PCCA: variants seen among roughly 807,000 people sequenced by gnomAD.
PCCA encodes the protein propionyl-CoA carboxylase alpha chain, mitochondrial.
A neutral mutation model predicts 101.3 loss-of-function variants in PCCA; 74 were observed. That is an observed-to-expected ratio of 0.73 (90% confidence interval 0.61 to 0.89). The LOEUF (loss-of-function observed/expected upper bound fraction) is 0.89. PCCA is among the 40% of genes least tolerant of loss of function. The probability of loss-of-function intolerance (pLI) is 0.00; values close to 1 mark genes in which losing one functional copy is unlikely to be tolerated. For missense variants in PCCA, 891 were observed against 907.0 expected, an observed-to-expected ratio of 0.98 and a Z score of 0.23; for synonymous variants, 294 against 313.6, an observed-to-expected ratio of 0.94 and a Z score of 0.66.
chr13:100,361,613 G>A (rs75388176), intron 18 of PCCA, among the ~76,000 whole-genome samples: 1,578 of 152,040 alleles, frequency 0.01, 29 homozygotes, highest in African/African-American at 0.036. Flanking sequence ...ATAAAAATGG[G>A]CAAAAACTTG....
At chr13:100,398,098 C>T (rs2077138624) in intron 19 of PCCA, among the ~76,000 whole-genome samples, 1 of 152,088 alleles carries the variant, frequency 6.6e-6, no homozygotes, top group East Asian at 1.9e-4. Flanking sequence ...ACGAAAAACA[C>T]CAAGGAAATG....
At chr13:100,155,633 GA>G (rs1389958916) in intron 5 of PCCA, among the ~76,000 whole-genome samples, 2 of 151,742 alleles carry the variant, frequency 1.3e-5, no homozygotes, top group Non-Finnish European at 2.9e-5. Flanking sequence ...GGAATCCAAG[GA>G]AAAAAATGAT....
At chr13:100,215,088 A>G (rs1487245195) in intron 7 of PCCA, among the ~76,000 whole-genome samples, 1 of 152,210 alleles carries the variant, frequency 6.6e-6, no homozygotes, top group Non-Finnish European at 1.5e-5. Context: ...GCTTAGTCAT[A>G]TCTGCTTCTG....
intron 12 of PCCA, among the ~76,000 whole-genome samples, chr13:100,291,024 A>G (rs1459005494): frequency 6.6e-6 from 1 of 152,272 alleles, no homozygotes; most frequent in African/African-American, 2.4e-5. Context: ...TCAATTCAAC[A>G]ATTAAAAAAT....
chr13:100,107,523 TAAG>T (rs2047920376), intron 2 of PCCA, among the ~76,000 whole-genome samples: 1 of 151,528 alleles, frequency 6.6e-6, no homozygotes. Flanking sequence ...CCCCGTCTCT[TAAG>T]AAAAAAAAAA....
chr13:100,292,834 A>G (rs2065231912), intron 12 of PCCA, among the ~76,000 whole-genome samples: 1 of 152,174 alleles, frequency 6.6e-6, no homozygotes, highest in Non-Finnish European at 1.5e-5. Flanking sequence ...GGAAACTGAA[A>G]TCTTCCAAAA....
intron 6 of PCCA, among the ~76,000 whole-genome samples, chr13:100,203,414 G>T (rs1378243069): frequency 6.6e-6 from 1 of 152,130 alleles, no homozygotes; most frequent in Admixed American, 6.5e-5. Flanking sequence ...TTGGGGCCAG[G>T]CATGGTGGCT....
chr13:100,492,871 T>C (rs1254079536), intron 21 of PCCA, among the ~76,000 whole-genome samples: 1 of 151,528 alleles, frequency 6.6e-6, no homozygotes, highest in African/African-American at 2.4e-5. Flanking sequence ...AAGATCATCT[T>C]CCCACTCTGT....
chr13:100,185,768 C>T (rs1378987774), intron 6 of PCCA, among the ~76,000 whole-genome samples: 6 of 152,222 alleles, frequency 3.9e-5, no homozygotes, highest in East Asian at 1.9e-4. Flanking sequence ...CTGCCTCAGC[C>T]GCTCAAGTAG....
intron 21 of PCCA, chr13:100,480,977 T>C (rs1488260779): frequency 6.6e-6 from 1 of 152,238 alleles, no homozygotes; most frequent in Non-Finnish European, 1.5e-5. Context: ...TGTATACGCT[T>C]GCCTTTAATG....
At chr13:100,089,784 G>C (rs2046111667) in intron 1 of PCCA, among the ~76,000 whole-genome samples, 1 of 152,184 alleles carries the variant, frequency 6.6e-6, no homozygotes, top group Non-Finnish European at 1.5e-5. Flanking sequence ...CCAGTCTACT[G>C]TGTACCAAAT....
At chr13:100,266,376 A>G (rs2062933940) in intron 10 of PCCA, among the ~76,000 whole-genome samples, 1 of 152,220 alleles carries the variant, frequency 6.6e-6, no homozygotes, top group Non-Finnish European at 1.5e-5. Flanking sequence ...AGCCTGGGTG[A>G]TATTTTTAAA....
chr13:100,381,032 A>G (rs1330452624), intron 19 of PCCA, among the ~76,000 whole-genome samples: 1 of 152,222 alleles, frequency 6.6e-6, no homozygotes, highest in Non-Finnish European at 1.5e-5. Flanking sequence ...AATCAAAACC[A>G]CAGTGAGATT....
intron 16 of PCCA, among the ~76,000 whole-genome samples, chr13:100,329,952 A>G (rs563897021): frequency 9.8e-4 from 149 of 152,194 alleles, no homozygotes; most frequent in African/African-American, 2.5e-3. Context: ...GAAATGTCCA[A>G]TTTTTCTCCA....
chr13:100,283,955 A>G (rs973100478), intron 12 of PCCA, among the ~76,000 whole-genome samples: 17 of 152,348 alleles, frequency 1.1e-4, no homozygotes, highest in South Asian at 2.1e-4. Flanking sequence ...GAAGCCCCCA[A>G]CCAGATGATC....
rs149658112 is a variant in PCCA, at chr13:100,234,768, A to C, written c.601-1074A>C. Among the ~76,000 whole-genome samples the C allele has an allele frequency of 5.4e-3, 824 of 152,040 alleles. 9 individuals carry two copies. Among genetic ancestry groups the C allele is most frequent in the African/African-American group, 0.019 (791 of 41,458 alleles). On this transcript the variant is annotated intron_variant, in intron 7 of 23. Transcript: ENST00000376285. ...AACGTATTAGCTTAAAAGCTTAAAA[A>C]ACACTGGGCTTCACTTCAGCATTTT...
intron 21 of PCCA, among the ~76,000 whole-genome samples, chr13:100,503,724 C>G (rs1315816668): frequency 2.0e-5 from 3 of 151,900 alleles, no homozygotes; most frequent in African/African-American, 7.3e-5. Flanking sequence ...GGCAACATGG[C>G]AAAACTCTGT....
chr13:100,385,562 G>A (rs769353926), intron 19 of PCCA, among the ~76,000 whole-genome samples: 1 of 152,156 alleles, frequency 6.6e-6, no homozygotes, highest in African/African-American at 2.4e-5. Context: ...GATGAGATAC[G>A]ATTTTCCATG....
At chr13:100,214,539 C>T (rs35753173) in intron 7 of PCCA, among the ~76,000 whole-genome samples, 21,434 of 151,866 alleles carry the variant, frequency 0.14, 1,662 homozygotes, top group Middle Eastern at 0.22. Flanking sequence ...ATTCTCCTGC[C>T]TCCGGCTCCC....
Sources: gnomAD v4.1 joint callset for allele counts (sites outside exome capture counted in the v4.1 genomes callset) on GRCh38, gnomAD v4.1.1 for gene constraint, MANE v1.5 for transcripts, NCBI Gene and HGNC (gene_info 2026-07-23, HGNC 2026-07-21) for gene names.